The following TRPM3 variants were observed in gnomAD, a reference collection of about 807,000 sequenced individuals.
TRPM3 encodes transient receptor potential cation channel subfamily M member 3.
Under a neutral mutation model 181.2 loss-of-function variants are expected in TRPM3, and 77 were observed. That is an observed-to-expected ratio of 0.42 (90% CI 0.35 to 0.51). The LOEUF is 0.51. TRPM3 is among the 20% of genes least tolerant of loss of function. The pLI is 0.01. For missense variants in TRPM3, 1,759 were observed against 2,196.7 expected, an observed-to-expected ratio of 0.80 and a Z score of 3.98; for synonymous variants, 745 against 796.4, an observed-to-expected ratio of 0.94 and a Z score of 1.09.
chr9:70,840,726 G>A (rs2094579975), intron 5 of TRPM3, among the ~76,000 whole-genome samples: 1 of 152,218 alleles, frequency 6.6e-6, no homozygotes, highest in African/African-American at 2.4e-5. Flanking sequence ...ATAAGTAAAT[G>A]TAATAGAATT....
At chr9:71,208,939 C>G (rs911022363) in intron 1 of TRPM3, among the ~76,000 whole-genome samples, 3 of 152,178 alleles carry the variant, frequency 2.0e-5, no homozygotes, top group Admixed American at 2.0e-4. Context: ...GCACGAACCT[C>G]AAGACTTTAA....
intron 1 of TRPM3, among the ~76,000 whole-genome samples, chr9:71,382,621 G>A (rs374732263): frequency 6.6e-6 from 1 of 151,572 alleles, no homozygotes; most frequent in East Asian, 1.9e-4. Context: ...TCATATAAGT[G>A]GCATTCTTGA....
At chr9:70,993,173 C>G (rs1261520258) in intron 1 of TRPM3, among the ~76,000 whole-genome samples, 3 of 152,032 alleles carry the variant, frequency 2.0e-5, no homozygotes, top group Non-Finnish European at 4.4e-5. Flanking sequence ...AATGGGAAGT[C>G]ATTGGAGGGT....
At chr9:71,044,088 C>T (rs971804885) in intron 1 of TRPM3, among the ~76,000 whole-genome samples, 4 of 152,128 alleles carry the variant, frequency 2.6e-5, no homozygotes, top group Non-Finnish European at 2.9e-5. Flanking sequence ...TCACCTTTTT[C>T]CACTGTGTAC....
chr9:70,641,205 C>T (rs1035187297), intron 9 of TRPM3, among the ~76,000 whole-genome samples: 6 of 152,194 alleles, frequency 3.9e-5, no homozygotes, highest in African/African-American at 1.4e-4. Context: ...GCAGCAGTGC[C>T]ACCCTGGTGC....
At chr9:70,815,477 G>T (rs750981649) in intron 6 of TRPM3, among the ~76,000 whole-genome samples, 1 of 152,168 alleles carries the variant, frequency 6.6e-6, no homozygotes, top group Non-Finnish European at 1.5e-5. Context: ...CACAATAAAT[G>T]TGTAAGTACA....
At chr9:70,636,286 T>C (rs1300263241) in intron 11 of TRPM3, among the ~76,000 whole-genome samples, 2 of 133,324 alleles carry the variant, frequency 1.5e-5, no homozygotes, top group African/African-American at 2.7e-5. Flanking sequence ...ATTAAAAATG[T>C]AAAAAAAAAA....
At chr9:71,152,111 T>C (rs1179101196) in intron 1 of TRPM3, among the ~76,000 whole-genome samples, 2 of 152,158 alleles carry the variant, frequency 1.3e-5, no homozygotes, top group African/African-American at 4.8e-5. Context: ...GAAGTGCACG[T>C]CCTTAATCAC....
rs951137638 is a variant in TRPM3 at position 70,582,189 on chromosome 9, T to C, written c.3223+8842A>G. 8.7e-4 allele frequency among the ~76,000 whole-genome samples: 132 copies of C among 151,470 alleles called. 1 individual carries two copies. Among genetic ancestry groups the C allele is most frequent in the African/African-American group, 2.4e-3 (101 of 41,320 alleles). ...CCCGCCTCCACCCTGTGCGTGTGTG[T>C]GTGTGTGTGTGTGTGTGTGTGTCAT... is the stretch of plus-strand genomic sequence containing the variant. On this transcript the variant is annotated intron_variant, in intron 22 of 25. Transcript: ENST00000677713.
At chr9:70,595,384 T>A (rs1194543973) in intron 21 of TRPM3, among the ~76,000 whole-genome samples, 1 of 152,178 alleles carries the variant, frequency 6.6e-6, no homozygotes. Context: ...GTGGAGATGT[T>A]TAGAGACTTT....
chr9:71,393,546 G>A (rs1036807118), intron 1 of TRPM3, among the ~76,000 whole-genome samples: 3 of 152,106 alleles, frequency 2.0e-5, no homozygotes, highest in Admixed American at 6.5e-5. Flanking sequence ...AATCACCAAG[G>A]AAAATCTTTG....
chr9:71,107,560 AG>A (rs1470876194), intron 1 of TRPM3, among the ~76,000 whole-genome samples: 1 of 152,182 alleles, frequency 6.6e-6, no homozygotes, highest in African/African-American at 2.4e-5. Flanking sequence ...TCTAATACCT[AG>A]CAGAGTTTCT....
intron 8 of TRPM3, among the ~76,000 whole-genome samples, chr9:70,745,114 A>G (rs892322059): frequency 1.3e-5 from 2 of 152,192 alleles, no homozygotes; most frequent in African/African-American, 4.8e-5. Context: ...TACAATAAAA[A>G]TATTTATTGA....
chr9:70,965,003 T>C (rs2097172120), intron 1 of TRPM3, among the ~76,000 whole-genome samples: 1 of 152,106 alleles, frequency 6.6e-6, no homozygotes, highest in Non-Finnish European at 1.5e-5. Flanking sequence ...GTTATCTACA[T>C]TCTGTTGTTC....
At chr9:70,564,669 A>C (rs1355252042) in intron 22 of TRPM3, among the ~76,000 whole-genome samples, 1 of 152,168 alleles carries the variant, frequency 6.6e-6, no homozygotes, top group Non-Finnish European at 1.5e-5. Context: ...GGATCAGTCC[A>C]GTGAGCCAGA....
intron 1 of TRPM3, among the ~76,000 whole-genome samples, chr9:70,912,877 T>C (rs2096552547): frequency 6.6e-6 from 1 of 152,216 alleles, no homozygotes; most frequent in African/African-American, 2.4e-5. Context: ...TCAAAATATA[T>C]AATTTGATGA....
At chr9:71,426,946 T>C (rs1173489279) in intron 1 of TRPM3, among the ~76,000 whole-genome samples, 1 of 152,198 alleles carries the variant, frequency 6.6e-6, no homozygotes, top group Non-Finnish European at 1.5e-5. Flanking sequence ...GAATAAAAGA[T>C]TACTTCCCCA....
At chr9:71,421,867 A>G (rs1316508214) in intron 1 of TRPM3, among the ~76,000 whole-genome samples, 1 of 152,030 alleles carries the variant, frequency 6.6e-6, no homozygotes, top group Non-Finnish European at 1.5e-5. Context: ...GACCAGTGTC[A>G]AATGTGTGGT....
chr9:70,792,578 A>T (rs1329719542), intron 6 of TRPM3, among the ~76,000 whole-genome samples: 1 of 151,628 alleles, frequency 6.6e-6, no homozygotes, highest in Non-Finnish European at 1.5e-5. Context: ...GGAAGAGAGA[A>T]TAAAAGAGGG....
Sources: allele counts gnomAD v4.1 joint callset (sites outside exome capture counted in the v4.1 genomes callset), GRCh38; gene constraint gnomAD v4.1.1; transcripts MANE v1.5; gene names NCBI Gene and HGNC (gene_info 2026-07-23, HGNC 2026-07-21).